The following AKR1C2 variants were observed in gnomAD, a reference collection of about 807,000 sequenced individuals.
AKR1C2 encodes 3-alpha-HSD3.
AKR1C2 carries 27 observed loss-of-function variants against 39.8 expected under a neutral mutation model. That is an observed-to-expected ratio of 0.68 (90% CI 0.50 to 0.93). AKR1C2 has a LOEUF of 0.93. Ranked by LOEUF, AKR1C2 falls within the 40% of genes least tolerant of loss-of-function variation. The probability of loss-of-function intolerance (pLI) is 0.00; values close to 1 mark genes in which losing one functional copy is unlikely to be tolerated. For synonymous variants in AKR1C2, 114 were observed against 137.9 expected (o/e 0.83, Z 1.22); for missense variants, 263 against 365.1 (o/e 0.72, Z 2.28).
chr10:5,017,032 C>T (rs1554775406), intron 1 of AKR1C2, among the ~76,000 whole-genome samples: 1 of 152,210 alleles, frequency 6.6e-6, no homozygotes, highest in African/African-American at 2.4e-5. Flanking sequence ...CAAGACTTCA[C>T]AGAGCAGTAG....
At chr10:4,998,799 G>T in intron 4 of AKR1C2, 52 bp from the exon 5 acceptor site, 1 of 1,609,130 alleles carries the variant, frequency 6.2e-7, no homozygotes, top group Non-Finnish European at 8.5e-7. Flanking sequence ...TGAAGAGCAA[G>T]ATAAATGTAA....
At chr10:5,011,287 G>A (rs1331090556) in intron 1 of AKR1C2, among the ~76,000 whole-genome samples, 1 of 152,196 alleles carries the variant, frequency 6.6e-6, no homozygotes, top group Admixed American at 6.5e-5. Flanking sequence ...CCCACTGGTG[G>A]AGACTCAGAA....
intron 5 of AKR1C2, among the ~76,000 whole-genome samples, chr10:4,996,364 A>C (rs1837039347): frequency 6.6e-6 from 1 of 151,696 alleles, no homozygotes; most frequent in East Asian, 1.9e-4. Context: ...AAATATACAT[A>C]TACACATAAA....
intron 1 of AKR1C2, among the ~76,000 whole-genome samples, chr10:5,002,765 C>T (rs528269354): frequency 5.3e-5 from 8 of 152,336 alleles, no homozygotes; most frequent in South Asian, 2.1e-4. Context: ...CCGGGTCTCA[C>T]AGCCCTCTCC....
At position 4,995,808 on chromosome 10, in the gene AKR1C2, C is replaced by A. The variant is rs138437499; in HGVS notation, c.628G>T (p.Asp210Tyr). The A allele has an allele frequency of 8.7e-6, 14 of 1,612,550 alleles. No homozygotes were observed. In the African/African-American group the frequency reaches 1.5e-4, roughly 17 times the overall value. Residue 210 changes from aspartate to tyrosine, a missense_variant, in exon 6 of 9, where the codon GAC becomes TAC. Asp to Tyr is a radical substitution (Grantham distance 160, BLOSUM62 -3). Around this residue, in one of 3 missense-constraint regions of AKR1C2, gnomAD observed 247 missense variants for 267.9 expected, o/e 0.92. Transcript: ENST00000380753. Reference sequence around the variant, plus strand: ...GCACTATAGGCAACCAGAACAATGTCTTTTGACTTGCAGAAATCCAGCAGT... The same window carrying A: ...GCACTATAGGCAACCAGAACAATGTATTTTGACTTGCAGAAATCCAGCAGT... Reference protein sequence around the residue: ...RKLLDFCKSKDIVLVAYSALG... With the variant: ...RKLLDFCKSKYIVLVAYSALG...
At position 4,995,468 on chromosome 10, in the gene AKR1C2, G is replaced by A. The variant is rs1554772827; in HGVS notation, c.697C>T (p.Pro233Ser). 6.5e-7 allele frequency: 1 copy of A among 1,535,096 alleles called. No homozygotes were observed. The highest frequency in any genetic ancestry group is 2.2e-5 in the Admixed American group (1 of 46,398). ...AGGACTGGGTCCTCCAAGAGCACCG[G>A]GGAGTTCGGGTCCACCCTGGAAGGA... The part of the protein sequence containing the change: ...REEPWVDPNS[P>S]VLLEDPVLCA... The change falls in exon 7 of 9, where the codon CCG becomes TCG. Residue 233 changes from proline to serine, a missense_variant. By Grantham distance (74) the Pro-to-Ser change is moderately conservative. Coordinates refer to ENST00000380753, the MANE Select transcript of AKR1C2 (RefSeq NM_001393392.1).
At chr10:5,006,927 C>G (rs565836837), upstream of AKR1C2, among the ~76,000 whole-genome samples, 21 of 151,504 alleles carry the variant, frequency 1.4e-4, no homozygotes, top group South Asian at 3.2e-3. Context: ...GCGTGCACAA[C>G]CATGCCCAGC....
rs1836723392 is a variant in AKR1C2 at position 4,988,170 on chromosome 10, AGCGTT to A, written c.*1821_*1825del. ...GATTTGAAATATGAAAGTCTGCTTA[AGCGTT>A]ACACACTTGGCTACGAAGTTTTAAC... On this transcript the variant is annotated 3_prime_UTR_variant, in exon 9 of 9. Transcript: ENST00000380753. The A allele has an allele frequency of 6.6e-6, 1 of 152,250 alleles. No individual in the cohort carries two copies. Among genetic ancestry groups the A allele is most frequent in the Non-Finnish European group, 1.5e-5 (1 of 68,042 alleles). The allele number at this position is 152,250 out of a possible 1,614,324, so 9.4% of individuals were successfully genotyped here.
At chr10:5,009,250 G>A (rs568617770) in intron 1 of AKR1C2, among the ~76,000 whole-genome samples, 9 of 152,296 alleles carry the variant, frequency 5.9e-5, no homozygotes, top group African/African-American at 1.9e-4. Context: ...AGTGAACTCT[G>A]TTTGAAGAAA....
At chr10:5,005,364 T>C (rs1554774294), upstream of AKR1C2, among the ~76,000 whole-genome samples, 3 of 152,176 alleles carry the variant, frequency 2.0e-5, no homozygotes. Flanking sequence ...TGTTTATTTT[T>C]TCAAATGCCC....
chr10:5,013,855 A>G (rs1291657334), intron 1 of AKR1C2, among the ~76,000 whole-genome samples: 1 of 152,142 alleles, frequency 6.6e-6, no homozygotes, highest in Non-Finnish European at 1.5e-5. Flanking sequence ...TTAAACAACA[A>G]CTTCCCATTT....
chr10:5,003,727 T>C (rs572824556), intron 1 of AKR1C2, 25 bp downstream of exon 1: 1 of 1,605,498 alleles, frequency 6.2e-7, no homozygotes, highest in Non-Finnish European at 8.5e-7. Context: ...CTTTGAACTC[T>C]CAACACTAAA....
chr10:5,003,944 G>A, upstream of AKR1C2: 1 of 740,930 alleles, frequency 1.3e-6, no homozygotes, highest in Non-Finnish European at 2.3e-6. Context: ...CCAATGGCAT[G>A]TGAGAGGAGG....
chr10:5,014,800 A>G (rs2131732009), intron 1 of AKR1C2: 1 of 152,290 alleles, frequency 6.6e-6, no homozygotes, highest in South Asian at 2.1e-4. Context: ...GGCTTTGCAT[A>G]TTTAATTTTA....
At chr10:5,000,294 G>A (rs1289928015) in intron 3 of AKR1C2, 44 of 1,482,240 alleles carry the variant, frequency 3.0e-5, no homozygotes, top group East Asian at 4.9e-5. Flanking sequence ...GGAGATGATT[G>A]TCATTTCCTC....
At chr10:4,997,850 C>T (rs1837113517) in intron 5 of AKR1C2, among the ~76,000 whole-genome samples, 1 of 152,086 alleles carries the variant, frequency 6.6e-6, no homozygotes, top group Non-Finnish European at 1.5e-5. Flanking sequence ...ATCAAGGAGG[C>T]CTGGAATCAC....
Position 4,998,300 on chromosome 10 carries a change from A to G in AKR1C2, c.570+325T>C, listed in dbSNP as rs1434038232. 2.0e-5 allele frequency among the ~76,000 whole-genome samples: 3 copies of G among 151,870 alleles called. No individual in the cohort carries two copies. In the East Asian group the frequency reaches 5.8e-4, roughly 29 times the overall value. On this transcript the variant is annotated intron_variant, in intron 5 of 8. Transcript: ENST00000380753. ...GCACAGTTCCCTCCAAATCACCTTC[A>G]CCCGTCCACTCTCTGGTCATCTTTC...
chr10:4,998,431 T>G (rs1554773388), intron 5 of AKR1C2, among the ~76,000 whole-genome samples, 194 bp downstream of exon 5: 1 of 152,224 alleles, frequency 6.6e-6, no homozygotes, highest in African/African-American at 2.4e-5. Context: ...AGCATCAAAG[T>G]TACAACACCT....
chr10:4,999,169 C>G, intron 4 of AKR1C2, 31 bp downstream of exon 4: 1 of 1,570,242 alleles, frequency 6.4e-7, no homozygotes, highest in Non-Finnish European at 8.7e-7. Flanking sequence ...CCTCATCTTT[C>G]TTATCCGTTC....
Sources: allele counts gnomAD v4.1 joint callset (sites outside exome capture counted in the v4.1 genomes callset), GRCh38; gene constraint gnomAD v4.1.1; regional missense constraint gnomAD v4.1.1; transcripts MANE v1.5; gene names NCBI Gene and HGNC (gene_info 2026-07-23, HGNC 2026-07-21).